NRXN1: variants seen among roughly 807,000 people sequenced by gnomAD.
NRXN1 encodes the protein neurexin 1, also known as neurexin-1.
A neutral mutation model predicts 150.9 loss-of-function variants in NRXN1; 39 were observed. That is an observed-to-expected ratio of 0.26 (90% CI 0.20 to 0.34). The LOEUF (loss-of-function observed/expected upper bound fraction) is 0.34. NRXN1 is among the 10% of genes least tolerant of loss of function. NRXN1 has a pLI of 1.00. For missense variants in NRXN1, 1,815 were observed against 1,949.9 expected, an observed-to-expected ratio of 0.93 and a Z score of 1.30; for synonymous variants, 924 against 757.0, an observed-to-expected ratio of 1.22 and a Z score of -3.62.
Position 50,347,398 on chromosome 2 carries a change from C to A in NRXN1, c.3365-110428G>T. On this transcript the variant is annotated intron_variant, in intron 17 of 22. Coordinates refer to ENST00000401669, the MANE Select transcript of NRXN1 (RefSeq NM_001330078.2). The surrounding 1 kb of genome is among the most constrained non-coding windows in gnomAD (Gnocchi z 4.9). ...TCCACCGCGAATCCACTAGGTAAAT[C>A]CATTTAGCTTTGTGTGCGGGGACTA... 8.5e-7 allele frequency: 1 copy of A among 1,177,466 alleles called. No individual in the cohort carries two copies. The highest frequency in any genetic ancestry group is 1.5e-5 in the South Asian group (1 of 64,614). The allele number at this position is 1,177,466 out of a possible 1,614,324, so 72.9% of individuals were successfully genotyped here.
chr2:50,891,194 A>T (rs532275805), intron 5 of NRXN1, among the ~76,000 whole-genome samples: 1 of 152,138 alleles, frequency 6.6e-6, no homozygotes, highest in South Asian at 2.1e-4. Flanking sequence ...TTCAATAGTA[A>T]ATGAAGAAGT....
chr2:50,942,641 AG>A (rs1461305461), intron 2 of NRXN1, among the ~76,000 whole-genome samples: 1 of 152,196 alleles, frequency 6.6e-6, no homozygotes. Flanking sequence ...TGGGGCCTGT[AG>A]CCCCTTTGTT....
intron 17 of NRXN1, among the ~76,000 whole-genome samples, chr2:50,237,496 CA>C: frequency 6.6e-6 from 1 of 151,758 alleles, no homozygotes; most frequent in Non-Finnish European, 1.5e-5. Flanking sequence ...TGAATAGCCA[CA>C]AGCCCCAGTA....
chr2:50,055,061 G>T lies in NRXN1; in HGVS notation c.3719-17C>A. 1 of 1,545,780 alleles carries T rather than the reference G, an allele frequency of 6.5e-7. No homozygotes were observed. The highest frequency in any genetic ancestry group is 8.8e-7 in the Non-Finnish European group (1 of 1,135,548). Reference sequence around the variant, plus strand: ...CATTGTTTCCTTTAAAGTTTAAAGAGACATTTCATTGGTTAAAATCTGTAA... The same window carrying T: ...CATTGTTTCCTTTAAAGTTTAAAGATACATTTCATTGGTTAAAATCTGTAA... On this transcript the variant is annotated splice_polypyrimidine_tract_variant and intron_variant, in intron 19 of 22. Coordinates refer to ENST00000401669, the MANE Select transcript of NRXN1 (RefSeq NM_001330078.2).
chr2:50,177,065 T>C (rs966281590), intron 18 of NRXN1, among the ~76,000 whole-genome samples: 4 of 152,196 alleles, frequency 2.6e-5, no homozygotes, highest in African/African-American at 9.6e-5. Context: ...TTTTTAGTTG[T>C]GTTCTTGCAG....
intron 17 of NRXN1, among the ~76,000 whole-genome samples, chr2:50,344,206 C>T (rs2077756881): frequency 1.3e-5 from 2 of 152,140 alleles, no homozygotes; most frequent in Admixed American, 6.5e-5. Flanking sequence ...GCACTCACAC[C>T]TCACCCCATT....
chr2:49,942,617 A>ATT (rs1454375421), intron 22 of NRXN1, among the ~76,000 whole-genome samples: 1 of 149,662 alleles, frequency 6.7e-6, no homozygotes, highest in Non-Finnish European at 1.5e-5. Flanking sequence ...TTATTATTTT[A>ATT]TTATTATTTT....
intron 17 of NRXN1, among the ~76,000 whole-genome samples, chr2:50,342,428 T>A (rs2077614657): frequency 3.9e-5 from 6 of 152,244 alleles, no homozygotes. Flanking sequence ...ACATATGAAT[T>A]CATTACCAGC....
At chr2:51,020,297 T>C (rs948949809) in intron 2 of NRXN1, among the ~76,000 whole-genome samples, 6 of 151,754 alleles carry the variant, frequency 4.0e-5, no homozygotes, top group African/African-American at 1.2e-4. Flanking sequence ...TGCACTCATA[T>C]AATTGCTGCC....
intron 21 of NRXN1, among the ~76,000 whole-genome samples, chr2:49,959,048 C>T (rs904457749): frequency 6.6e-6 from 1 of 152,120 alleles, no homozygotes; most frequent in Non-Finnish European, 1.5e-5. Flanking sequence ...CAAAGTTCTT[C>T]GTGAAGGTAG....
intron 18 of NRXN1, among the ~76,000 whole-genome samples, chr2:50,131,111 G>C (rs553246895): frequency 6.6e-6 from 1 of 152,288 alleles, no homozygotes; most frequent in African/African-American, 2.4e-5. Context: ...TTATTAGGAA[G>C]CAAATATTCA....
intron 20 of NRXN1, among the ~76,000 whole-genome samples, chr2:50,054,495 A>G (rs1693293341): frequency 6.6e-6 from 1 of 152,332 alleles, no homozygotes; most frequent in East Asian, 1.9e-4. Context: ...GGACTTCATT[A>G]TGACTGGCAA....
intron 5 of NRXN1, among the ~76,000 whole-genome samples, chr2:50,867,365 C>T (rs1677099438): frequency 6.6e-6 from 1 of 151,778 alleles, no homozygotes; most frequent in African/African-American, 2.4e-5. Context: ...TTTACTCTCT[C>T]ACTGACACTG....
intron 2 of NRXN1, among the ~76,000 whole-genome samples, chr2:51,000,861 C>A (rs984845657): frequency 6.6e-6 from 1 of 151,790 alleles, no homozygotes; most frequent in Non-Finnish European, 1.5e-5. Context: ...AGAAATGACA[C>A]AGAAAATATA....
chr2:50,076,385 T>A (rs555554953), intron 19 of NRXN1, among the ~76,000 whole-genome samples: 18 of 152,306 alleles, frequency 1.2e-4, no homozygotes, highest in African/African-American at 4.3e-4. Flanking sequence ...TATAGTGGAA[T>A]TAACTTTTAC....
intron 5 of NRXN1, among the ~76,000 whole-genome samples, chr2:50,680,239 G>A (rs1690179611): frequency 1.3e-5 from 2 of 151,910 alleles, no homozygotes; most frequent in African/African-American, 4.8e-5. Context: ...TAATATATCT[G>A]ATGCCTGTAT....
intron 22 of NRXN1, among the ~76,000 whole-genome samples, chr2:49,934,240 C>G (rs1462639854): frequency 6.6e-6 from 1 of 152,116 alleles, no homozygotes; most frequent in Admixed American, 6.5e-5. Flanking sequence ...TTCATTGTTT[C>G]TTTCTAAAAT....
At chr2:50,239,904 T>C (rs866540353) in intron 17 of NRXN1, among the ~76,000 whole-genome samples, 3 of 150,786 alleles carry the variant, frequency 2.0e-5, no homozygotes, top group Admixed American at 6.6e-5. Context: ...AAAAATAACA[T>C]CTAAATGTAA....
intron 1 of NRXN1, among the ~76,000 whole-genome samples, chr2:51,030,981 C>A (rs1166350673): frequency 6.6e-6 from 1 of 151,956 alleles, no homozygotes; most frequent in Non-Finnish European, 1.5e-5. Context: ...CTCCTGCCCT[C>A]CTCCACTAAT....
Sources: gnomAD v4.1 joint callset for allele counts (sites outside exome capture counted in the v4.1 genomes callset) on GRCh38, gnomAD v4.1.1 for gene constraint, Gnocchi (gnomAD v3.1) non-coding constraint, MANE v1.5 for transcripts, NCBI Gene and HGNC (gene_info 2026-07-23, HGNC 2026-07-21) for gene names.